The following FGFR4 variants were observed in gnomAD, a reference collection of about 807,000 sequenced individuals.
FGFR4 encodes the protein fibroblast growth factor receptor 4.
FGFR4 carries 63 observed loss-of-function variants against 89.9 expected under a neutral mutation model. The observed-to-expected ratio is 0.70, with a 90% CI of 0.57 to 0.86. The LOEUF (loss-of-function observed/expected upper bound fraction) is 0.86, where lower values mean the gene tolerates loss of function less well. Ranked by LOEUF, FGFR4 falls within the 40% of genes least tolerant of loss-of-function variation. The pLI, the probability that FGFR4 is intolerant of heterozygous loss-of-function variation, is 0.00. For missense variants in FGFR4, 928 were observed against 1,106.7 expected, an observed-to-expected ratio of 0.84 and a Z score of 2.29; for synonymous variants, 486 against 479.4, an observed-to-expected ratio of 1.01 and a Z score of -0.18.
At position 177,089,581 on chromosome 5, in the gene FGFR4, C is replaced by A. The variant is rs774597044; in HGVS notation, c.-22C>A. 6.2e-7 allele frequency: 1 copy of A among 1,608,256 alleles called. No individual in the cohort carries two copies. The highest frequency in any genetic ancestry group is 8.5e-7 in the Non-Finnish European group (1 of 1,177,334). Reference sequence around the variant, plus strand: ...AGTTGGTGGGAAGTCCAGCTTGGGTCCCTGAGAGCTGTGAGAAGGAGATGC... The same window carrying A: ...AGTTGGTGGGAAGTCCAGCTTGGGTACCTGAGAGCTGTGAGAAGGAGATGC... On this transcript the variant is annotated 5_prime_UTR_variant, in exon 2 of 18. Transcript: ENST00000292408.
At position 177,093,735 on chromosome 5, in the gene FGFR4, G is replaced by T; in HGVS notation, c.1479G>T (p.Arg493=). 6.2e-7 allele frequency: 1 copy of T among 1,613,840 alleles called. No homozygotes were observed. ...RAEAFGMDPA[R]PDQASTVAVK... is the part of the protein sequence containing the mutation. ...AGGCCTTTGGCATGGACCCTGCCCGGCCTGACCAAGCCAGCACTGTGGCCG... is the reference window on the plus strand; with the variant it reads ...AGGCCTTTGGCATGGACCCTGCCCGTCCTGACCAAGCCAGCACTGTGGCCG... The change falls in exon 11 of 18, where the codon CGG becomes CGT. Residue 493 remains arginine (R), a synonymous_variant. Coordinates refer to ENST00000292408, the MANE Select transcript of FGFR4 (RefSeq NM_213647.3). This position sits in a 1 kb window ranked among gnomAD's most constrained non-coding sequence, Gnocchi z 5.8.
rs2149736399 is a variant in FGFR4, at chr5:177,093,808, G to A, written c.1519+33G>A. The A allele has an allele frequency of 2.5e-6, 4 of 1,594,046 alleles. No individual in the cohort carries two copies. Among genetic ancestry groups the A allele is most frequent in the Middle Eastern group, 2.2e-4 (1 of 4,576 alleles). ...TGGCCCGGTGTGGTGGCTCACACCT[G>A]TAACGCCAGCACTTTAGGAGGCTGA... On this transcript the variant is annotated intron_variant, in intron 11 of 17. Transcript: ENST00000292408. The surrounding 1 kb of genome is among the most constrained non-coding windows in gnomAD (Gnocchi z 5.8).
At chr5:177,092,572 C>T in intron 7 of FGFR4, 61 bp downstream of exon 7, 2 of 1,565,958 alleles carry the variant, frequency 1.3e-6, no homozygotes, top group African/African-American at 1.4e-5. Context: ...GGTTGGGGGG[C>T]TCCCCAGCTT....
intron 16 of FGFR4, 100 bp downstream of exon 16, chr5:177,096,841 A>G (rs185751772): frequency 2.2e-6 from 3 of 1,351,030 alleles, no homozygotes; most frequent in Non-Finnish European, 3.0e-6. Context: ...GACAACACTA[A>G]CAACAACTCC....
At chr5:177,092,823 C>T (rs764754134) in intron 8 of FGFR4, 39 bp downstream of exon 8, 12 of 1,613,844 alleles carry the variant, frequency 7.4e-6, no homozygotes, top group African/African-American at 2.7e-5. Context: ...GCGAGATGCC[C>T]CTCTGGGCCA....
rs745738782 is a variant in FGFR4, at chr5:177,090,651, G to A, written c.353G>A (p.Gly118Asp). ...IVLQNLTLIT[G>D]DSLTSSNDDE... ...CTGCAGAATCTCACCTTGATTACAG[G>A]TGGTAAGAGACTCTAGCAGGGAGTG... The change falls in exon 3 of 18, where the codon GGT (glycine) becomes GAT (aspartate). Residue 118 changes from glycine to aspartate, a missense_variant and splice_region_variant. Coordinates refer to ENST00000292408, the MANE Select transcript of FGFR4 (RefSeq NM_213647.3). 6.6e-7 allele frequency: 1 copy of A among 1,524,496 alleles called. No homozygotes were observed. Among genetic ancestry groups the A allele is most frequent in the East Asian group, 2.3e-5 (1 of 44,170 alleles). 94.4% of individuals were successfully genotyped at this position (1,524,496 alleles called of 1,614,324 possible).
At position 177,095,970 on chromosome 5, in the gene FGFR4, GCC is replaced by G; in HGVS notation, c.1822-84_1822-83del. ...TCCTCCTCTGTAAAGTGGGTGGAGG[GCC>G]CCTGCCCCCGGGCCTGCTGGGGGGT... On this transcript the variant is annotated intron_variant, in intron 13 of 17. Transcript: ENST00000292408. The surrounding 1 kb of genome is among the most constrained non-coding windows in gnomAD (Gnocchi z 5.7). 6.6e-7 allele frequency: 1 copy of G among 1,516,764 alleles called. No individual in the cohort carries two copies. The highest frequency in any genetic ancestry group is 2.3e-5 in the East Asian group (1 of 42,858). 94.0% of individuals were successfully genotyped at this position (1,516,764 alleles called of 1,614,324 possible).
intron 2 of FGFR4, chr5:177,090,126 G>A (rs1422634968): frequency 1.6e-6 from 1 of 614,898 alleles, no homozygotes; most frequent in Non-Finnish European, 2.9e-6. Context: ...GTATGTGTGT[G>A]TGTGTATGCG....
rs2149734330 is a variant in FGFR4, at chr5:177,092,685, C to T, written c.958C>T (p.Leu320=). The change falls in exon 8 of 18, where the codon CTG becomes TTG. Residue 320 remains leucine, a synonymous_variant. Transcript: ENST00000292408. ...TAGCTCAGAGGTGGAGGTCCTGTAC[C>T]TGCGGAACGTGTCAGCCGAGGACGC... ...INSSEVEVLY[L]RNVSAEDAGE... is the part of the protein sequence containing the mutation. The T allele has an allele frequency of 6.8e-6, 11 of 1,613,802 alleles. No homozygotes were observed. The highest frequency in any genetic ancestry group is 9.3e-6 in the Non-Finnish European group (11 of 1,179,674).
At chr5:177,090,303 C>A (rs3135921) in intron 2 of FGFR4, 87 bp from the exon 3 acceptor site, 58 of 1,583,412 alleles carry the variant, frequency 3.7e-5, no homozygotes, top group Admixed American at 5.0e-5. Context: ...AGTGCTTGTG[C>A]CCTGCATGTG....
At position 177,095,067 on chromosome 5, in the gene FGFR4, A is replaced by C; in HGVS notation, c.1520-263A>C. On this transcript the variant is annotated intron_variant, in intron 11 of 17. Transcript: ENST00000292408. The surrounding 1 kb of genome is among the most constrained non-coding windows in gnomAD (Gnocchi z 5.7). ...CTGTGTCCTGGGCCTGCCCGCTGGA[A>C]GGCCTGCCTCTTAGATCCTTGATAC... 1 of 464,284 alleles carries C rather than the reference A, an allele frequency of 2.2e-6. No homozygotes were observed. The highest frequency in any genetic ancestry group is 4.0e-6 in the Non-Finnish European group (1 of 250,584). 28.8% of individuals were successfully genotyped at this position (464,284 alleles called of 1,614,324 possible).
Position 177,092,485 on chromosome 5 carries a change from G to T in FGFR4, c.892G>T (p.Gly298Cys). ...CAACGGCAGCAGCTTCGGAGCCGACGGTTTCCCCTATGTGCAAGTCCTAAA... is the reference window on the plus strand; with the variant it reads ...CAACGGCAGCAGCTTCGGAGCCGACTGTTTCCCCTATGTGCAAGTCCTAAA... ...VINGSSFGADGFPYVQVLKTA... is the reference protein window; with the variant it reads ...VINGSSFGADCFPYVQVLKTA... The change falls in exon 7 of 18, where the codon GGT (glycine) becomes TGT (cysteine). Residue 298 changes from glycine (G) to cysteine (C), a missense_variant. Around this residue, in one of 5 missense-constraint regions of FGFR4, gnomAD observed 741 missense variants for 836.9 expected, o/e 0.89. Transcript: ENST00000292408. 1 of 1,591,898 alleles carries T rather than the reference G, an allele frequency of 6.3e-7. No individual in the cohort carries two copies. Among genetic ancestry groups the T allele is most frequent in the East Asian group, 2.3e-5 (1 of 43,524 alleles).
chr5:177,090,166 G>A (rs766713769), intron 2 of FGFR4: 4 of 701,386 alleles, frequency 5.7e-6, no homozygotes, highest in Non-Finnish European at 1.0e-5. Context: ...CTTGGCCACT[G>A]TCGTGTGCAC....
Position 177,089,631 on chromosome 5 carries a change from TC to T in FGFR4, c.31del (p.Leu11CysfsTer2). MRLLLALLG[V>X]LLSVPGPPVL... ...CGGCTGCTGCTGGCCCTGTTGGGGG[TC>T]CTGCTGAGTGTGCCTGGGCCTCCAG... is the stretch of plus-strand genomic sequence containing the variant. On this transcript the variant is annotated frameshift_variant, in exon 2 of 18. Coordinates refer to ENST00000292408, the MANE Select transcript of FGFR4 (RefSeq NM_213647.3). LOFTEE classifies it high-confidence loss of function. 1.2e-6 allele frequency: 2 copies of T among 1,613,752 alleles called. No individual in the cohort carries two copies. Among genetic ancestry groups the T allele is most frequent in the Non-Finnish European group, 1.7e-6 (2 of 1,179,916 alleles).
In FGFR4 at chr5:177,095,783, G is replaced by A. The variant is rs1001478338; in HGVS notation, c.1821+60G>A. ...TCTCCAGCTCCACTCTCAGGCCTGT[G>A]GCATTCAATGTCCCGACTTCTCCCT... is the stretch of plus-strand genomic sequence containing the variant. On this transcript the variant is annotated intron_variant, in intron 13 of 17. Coordinates refer to ENST00000292408, the MANE Select transcript of FGFR4 (RefSeq NM_213647.3). This position sits in a 1 kb window ranked among gnomAD's most constrained non-coding sequence, Gnocchi z 5.7. The A allele has an allele frequency of 2.1e-6, 3 of 1,456,602 alleles. No homozygotes were observed. The highest frequency in any genetic ancestry group is 2.8e-5 in the African/African-American group (2 of 70,652). 90.2% of individuals were successfully genotyped at this position (1,456,602 alleles called of 1,614,324 possible).
rs1296337644 is a variant in FGFR4, at chr5:177,095,741, C to T, written c.1821+18C>T. The T allele has an allele frequency of 1.9e-6, 3 of 1,561,864 alleles. No individual in the cohort carries two copies. Among genetic ancestry groups the T allele is most frequent in the East Asian group, 2.3e-5 (1 of 43,768 alleles). ...CCCGGAAGGTACAGGCGCTAGGGCT[C>T]TGAGCCCCTCTCAGTCTCTCCAGCT... is the stretch of plus-strand genomic sequence containing the variant. On this transcript the variant is annotated intron_variant, in intron 13 of 17. Coordinates refer to ENST00000292408, the MANE Select transcript of FGFR4 (RefSeq NM_213647.3). The surrounding 1 kb of genome is among the most constrained non-coding windows in gnomAD (Gnocchi z 5.7).
chr5:177,096,885 TC>T (rs1258825159), intron 16 of FGFR4, 144 bp downstream of exon 16: 3 of 861,804 alleles, frequency 3.5e-6, no homozygotes, highest in African/African-American at 1.7e-5. Context: ...TTCCTCCTCC[TC>T]CTCTTCCTCC....
chr5:177,088,061 TG>T (rs1562063560), intron 1 of FGFR4, among the ~76,000 whole-genome samples: 1 of 152,084 alleles, frequency 6.6e-6, no homozygotes, highest in African/African-American at 2.4e-5. Flanking sequence ...TTTTTTATTT[TG>T]TTTTTTTTGA....
In FGFR4 at chr5:177,097,765, G is replaced by A. The variant is rs1784664491; in HGVS notation, c.*89G>A. On this transcript the variant is annotated 3_prime_UTR_variant, in exon 18 of 18. Transcript: ENST00000292408. ...CCTGACACAGTGCTCGACCTTGATA[G>A]CATGGGGCCCCTGGCCCAGAGTTGC... The A allele has an allele frequency of 2.0e-6, 3 of 1,502,838 alleles. No homozygotes were observed. The highest frequency in any genetic ancestry group is 8.9e-7 in the Non-Finnish European group (1 of 1,124,790). 93.1% of individuals were successfully genotyped at this position (1,502,838 alleles called of 1,614,324 possible).
Sources: gnomAD v4.1 joint callset for allele counts (sites outside exome capture counted in the v4.1 genomes callset) on GRCh38, gnomAD v4.1.1 for gene constraint, gnomAD v4.1.1 regional missense constraint, Gnocchi (gnomAD v3.1) non-coding constraint, MANE v1.5 for transcripts, NCBI Gene and HGNC (gene_info 2026-07-23, HGNC 2026-07-21) for gene names.